Variants in IRF2 observed in about 807,000 individuals in gnomAD.
IRF2 encodes the protein interferon regulatory factor 2.
Under a neutral mutation model 40.6 loss-of-function variants are expected in IRF2, and 15 were observed. That is an observed-to-expected ratio of 0.37 (90% CI 0.25 to 0.57). The LOEUF is 0.57. Ranked by LOEUF, IRF2 falls within the 20% of genes least tolerant of loss-of-function variation. IRF2 has a pLI of 0.77. For missense variants in IRF2, 317 were observed against 455.7 expected (o/e 0.70, Z 2.77); for synonymous variants, 151 against 165.5 (o/e 0.91, Z 0.67).
Position 184,413,449 on chromosome 4 carries a change from C to A in IRF2, c.411+4718G>T, listed in dbSNP as rs975064521. ...TTTTCAAGTGAGTTGCTGGTGTGTGCTTTCATTTGATTAAAGTTTAAAAAC... is the reference window on the plus strand; with the variant it reads ...TTTTCAAGTGAGTTGCTGGTGTGTGATTTCATTTGATTAAAGTTTAAAAAC... On this transcript the variant is annotated intron_variant, in intron 5 of 8. Coordinates refer to ENST00000393593, the MANE Select transcript of IRF2 (RefSeq NM_002199.4). The surrounding 1 kb of genome is among the most constrained non-coding windows in gnomAD (Gnocchi z 4.2). Among the ~76,000 whole-genome samples the A allele has an allele frequency of 6.6e-6, 1 of 152,182 alleles. No homozygotes were observed. Among genetic ancestry groups the A allele is most frequent in the Non-Finnish European group, 1.5e-5 (1 of 68,028 alleles).
intron 5 of IRF2, among the ~76,000 whole-genome samples, chr4:184,417,685 T>A (rs6812407): frequency 6.6e-6 from 1 of 152,020 alleles, no homozygotes; most frequent in African/African-American, 2.4e-5. Context: ...TGAGAGCTGT[T>A]CTGATAGAGT....
Position 184,399,018 on chromosome 4 carries a change from TGGC to T in IRF2, c.588_590del (p.Pro197del). The T allele has an allele frequency of 1.9e-6, 3 of 1,613,534 alleles. No homozygotes were observed. The highest frequency in any genetic ancestry group is 2.5e-6 in the Non-Finnish European group (3 of 1,179,782). ...TCACCTCTACAACTTGGCAAATGTC[TGGC>T]GGATTGGTGACAATCTCTTGATTCT... On this transcript the variant is annotated inframe_deletion, in exon 7 of 9. Transcript: ENST00000393593.
intron 1 of IRF2, among the ~76,000 whole-genome samples, chr4:184,465,389 C>A (rs540616599): frequency 1.4e-4 from 21 of 152,166 alleles, no homozygotes; most frequent in Middle Eastern, 6.8e-3. Context: ...GCAGAGATGA[C>A]ATATTAGCAC....
At position 184,388,270 on chromosome 4, in the gene IRF2, C is replaced by A; in HGVS notation, c.*488G>T. The A allele has an allele frequency of 6.5e-6, 1 of 154,312 alleles. No individual in the cohort carries two copies. Among genetic ancestry groups the A allele is most frequent in the Non-Finnish European group, 1.4e-5 (1 of 69,482 alleles). The allele number at this position is 154,312 out of a possible 1,614,324, so 9.6% of individuals were successfully genotyped here. On this transcript the variant is annotated 3_prime_UTR_variant, in exon 9 of 9. Transcript: ENST00000393593. This position sits in a 1 kb window ranked among gnomAD's most constrained non-coding sequence, Gnocchi z 4.6. ...ATAGGAAGAGAGGCTGGGGAATGGG[C>A]AGAGAAGGGGGTGCTGAGTGTGCTG...
intron 1 of IRF2, among the ~76,000 whole-genome samples, chr4:184,470,813 A>G (rs2149921377): frequency 6.6e-6 from 1 of 152,338 alleles, no homozygotes; most frequent in East Asian, 1.9e-4. Context: ...ATTCAGACTA[A>G]AGCACAGAGA....
intron 2 of IRF2, among the ~76,000 whole-genome samples, chr4:184,427,182 T>A (rs1737704338): frequency 6.6e-6 from 1 of 152,236 alleles, no homozygotes; most frequent in Non-Finnish European, 1.5e-5. Context: ...AGAAGCTGAT[T>A]ACATATGTAA....
chr4:184,410,956 T>C (rs548018056), intron 5 of IRF2, among the ~76,000 whole-genome samples: 280 of 152,234 alleles, frequency 1.8e-3, no homozygotes, highest in Non-Finnish European at 3.6e-3. Context: ...CGAAATATGG[T>C]TCAATTCCAG....
rs373991279 is a variant in IRF2, at chr4:184,418,175, G to T, written c.403C>A (p.His135Asn). The T allele has an allele frequency of 1.3e-5, 21 of 1,613,452 alleles. No individual in the cohort carries two copies. The African/African-American group carries it at 2.0e-4, about 15-fold the overall frequency. ...GAATCACCCAAGATTACCTTGATGT[G>T]CTTAACTTTGTCTTCTTTTTCTGTC... ...PKTEKEDKVK[H>N]IKQEPVESSL... The change falls in exon 5 of 9, where the codon CAC becomes AAC. Residue 135 changes from histidine to asparagine, a missense_variant. Physicochemically the swap from His to Asn is moderately conservative, Grantham distance 68. Coordinates refer to ENST00000393593, the MANE Select transcript of IRF2 (RefSeq NM_002199.4).
intron 8 of IRF2, among the ~76,000 whole-genome samples, chr4:184,389,464 TC>T (rs1352568427): frequency 6.6e-6 from 1 of 152,164 alleles, no homozygotes; most frequent in Non-Finnish European, 1.5e-5. Context: ...AATGTGTCGT[TC>T]CCATGTGTTG....
intron 5 of IRF2, among the ~76,000 whole-genome samples, chr4:184,414,891 T>C (rs1432531740): frequency 6.6e-6 from 1 of 152,248 alleles, no homozygotes; most frequent in African/African-American, 2.4e-5. Flanking sequence ...GAAACCTACG[T>C]AGTGTATCCA....
In IRF2 at chr4:184,408,763, T is replaced by C. The variant is rs1273396456; in HGVS notation, c.412-488A>G. On this transcript the variant is annotated intron_variant, in intron 5 of 8. Transcript: ENST00000393593. This position sits in a 1 kb window ranked among gnomAD's most constrained non-coding sequence, Gnocchi z 4.9. ...ACAGGAGCCCAGAGGACATTGTAGATGAATTCTCTGCAGATAAGTTTTGCC... is the reference window on the plus strand; with the variant it reads ...ACAGGAGCCCAGAGGACATTGTAGACGAATTCTCTGCAGATAAGTTTTGCC... 1.3e-5 allele frequency among the ~76,000 whole-genome samples: 2 copies of C among 152,214 alleles called. No homozygotes were observed. The highest frequency in any genetic ancestry group is 1.9e-4 in the East Asian group (1 of 5,200).
intron 1 of IRF2, among the ~76,000 whole-genome samples, chr4:184,437,920 A>G (rs1008231338): frequency 6.6e-6 from 1 of 152,096 alleles, no homozygotes; most frequent in African/African-American, 2.4e-5. Context: ...TGGGCACACA[A>G]TAGTCTTTTC....
chr4:184,445,809 G>A lies in IRF2; in HGVS notation c.-6-16739C>T, dbSNP rs1276629117. ...TTTGATGCAACGCAGCAAAGAAGAT[G>A]TACTGGGTTGAACAGTGGCCCCCCA... On this transcript the variant is annotated intron_variant, in intron 1 of 8. Coordinates refer to ENST00000393593, the MANE Select transcript of IRF2 (RefSeq NM_002199.4). 2.0e-5 allele frequency among the ~76,000 whole-genome samples: 3 copies of A among 152,162 alleles called. No homozygotes were observed. In the East Asian group the frequency reaches 5.8e-4, roughly 29 times the overall value.
rs752436102 is a variant in IRF2, at chr4:184,388,728, C to G, written c.*30G>C. 3 of 1,570,296 alleles carry G rather than the reference C, an allele frequency of 1.9e-6. No individual in the cohort carries two copies. The highest frequency in any genetic ancestry group is 2.1e-5 in the Admixed American group (1 of 46,780). On this transcript the variant is annotated 3_prime_UTR_variant, in exon 9 of 9. Transcript: ENST00000393593. This position sits in a 1 kb window ranked among gnomAD's most constrained non-coding sequence, Gnocchi z 4.6. ...CAAACAACAAAACAAAGCCAAGAAGCCCCAACAACCACCGCGGAGAGTCAG... is the reference window on the plus strand; with the variant it reads ...CAAACAACAAAACAAAGCCAAGAAGGCCCAACAACCACCGCGGAGAGTCAG...
intron 1 of IRF2, among the ~76,000 whole-genome samples, chr4:184,437,278 G>A (rs1269346406): frequency 2.0e-5 from 3 of 152,146 alleles, no homozygotes; most frequent in African/African-American, 7.2e-5. Context: ...GGCTGGTCTT[G>A]AACTCTTGAC....
At chr4:184,412,320 T>A (rs1036620576) in intron 5 of IRF2, among the ~76,000 whole-genome samples, 1 of 152,052 alleles carries the variant, frequency 6.6e-6, no homozygotes, top group Admixed American at 6.6e-5. Context: ...GAAGCTACAC[T>A]TGCTGAATGG....
chr4:184,409,883 C>T lies in IRF2; in HGVS notation c.412-1608G>A, dbSNP rs182822844. 2.1e-3 allele frequency among the ~76,000 whole-genome samples: 312 copies of T among 150,382 alleles called. 1 individual carries two copies. Among genetic ancestry groups the T allele is most frequent in the Middle Eastern group, 0.021 (6 of 290 alleles). ...CTGCACTCCAGCCTGGGTGACAGAG[C>T]GAGAGCCTGATTCTTAAAGACAAAA... On this transcript the variant is annotated intron_variant, in intron 5 of 8. Coordinates refer to ENST00000393593, the MANE Select transcript of IRF2 (RefSeq NM_002199.4).
At position 184,441,144 on chromosome 4, in the gene IRF2, G is replaced by A. The variant is rs533182689; in HGVS notation, c.-6-12074C>T. 2.6e-5 allele frequency among the ~76,000 whole-genome samples: 4 copies of A among 152,286 alleles called. No homozygotes were observed. In the South Asian group the frequency reaches 8.3e-4, roughly 32 times the overall value. On this transcript the variant is annotated intron_variant, in intron 1 of 8. Transcript: ENST00000393593. ...CATCTTACACTGTCCTAAAGTCACTGGTTCATTGTGATGTGCTTTAATCCA... is the reference window on the plus strand; with the variant it reads ...CATCTTACACTGTCCTAAAGTCACTAGTTCATTGTGATGTGCTTTAATCCA...
At chr4:184,404,019 T>C (rs1317652373) in intron 6 of IRF2, among the ~76,000 whole-genome samples, 1 of 152,218 alleles carries the variant, frequency 6.6e-6, no homozygotes, top group Non-Finnish European at 1.5e-5. Flanking sequence ...TCTCACTTTA[T>C]TAGCAATTGT....
Sources: allele counts gnomAD v4.1 joint callset (sites outside exome capture counted in the v4.1 genomes callset), GRCh38; gene constraint gnomAD v4.1.1; non-coding constraint Gnocchi (gnomAD v3.1); transcripts MANE v1.5; gene names NCBI Gene and HGNC (gene_info 2026-07-23, HGNC 2026-07-21).